The following TENM3 variants were observed in gnomAD, a reference collection of about 807,000 sequenced individuals.
TENM3 encodes teneurin-3.
A neutral mutation model predicts 255.1 loss-of-function variants in TENM3; 63 were observed. The observed-to-expected ratio is 0.25, with a 90% confidence interval of 0.20 to 0.30. The LOEUF (loss-of-function observed/expected upper bound fraction) is 0.30, where lower values mean the gene tolerates loss of function less well. TENM3 is among the 10% of genes least tolerant of loss of function. TENM3 has a pLI of 1.00. For synonymous variants in TENM3, 1,306 were observed against 1,322.3 expected (o/e 0.99, Z 0.27); for missense variants, 2,929 against 3,461.1 (o/e 0.85, Z 3.86).
chr4:182,301,364 A>C (rs975503158), intron 1 of TENM3, among the ~76,000 whole-genome samples: 1 of 152,222 alleles, frequency 6.6e-6, no homozygotes, highest in Non-Finnish European at 1.5e-5. Flanking sequence ...TGATACAAAT[A>C]ATATATTTTC....
chr4:181,755,588 T>C, the TENM3 span, among the ~76,000 whole-genome samples: 2 of 152,174 alleles, frequency 1.3e-5, no homozygotes, highest in African/African-American at 4.8e-5. Flanking sequence ...CAATTATTTA[T>C]ATTAATTCTG....
At chr4:181,804,430 A>G in the TENM3 span, among the ~76,000 whole-genome samples, 1 of 152,230 alleles carries the variant, frequency 6.6e-6, no homozygotes, top group Non-Finnish European at 1.5e-5. Flanking sequence ...ACACACAAAT[A>G]ATAAACACAA....
intron 12 of TENM3, among the ~76,000 whole-genome samples, chr4:182,706,380 T>C (rs1439978516): frequency 6.6e-6 from 1 of 152,216 alleles, no homozygotes; most frequent in African/African-American, 2.4e-5. Context: ...TAATTCACAT[T>C]AAATGCTTAG....
At chr4:181,653,503 G>A in the TENM3 span, among the ~76,000 whole-genome samples, 1 of 151,908 alleles carries the variant, frequency 6.6e-6, no homozygotes, top group Non-Finnish European at 1.5e-5. Context: ...TCCACCTCCC[G>A]GGTTCAAGCG....
At chr4:182,263,605 T>C (rs1260331616) in intron 1 of TENM3, among the ~76,000 whole-genome samples, 1 of 152,148 alleles carries the variant, frequency 6.6e-6, no homozygotes, top group Non-Finnish European at 1.5e-5. Flanking sequence ...CCCCCCTACC[T>C]TCACGACAGC....
At chr4:182,228,358 A>G (rs1368226626) in intron 1 of TENM3, among the ~76,000 whole-genome samples, 2 of 109,114 alleles carry the variant, frequency 1.8e-5, no homozygotes, top group East Asian at 4.2e-4. Context: ...ATGTAATGTA[A>G]TGTGTGTGTG....
At chr4:182,100,590 C>CACAT in the TENM3 span, among the ~76,000 whole-genome samples, 60 of 52,910 alleles carry the variant, frequency 1.1e-3, no homozygotes, top group African/African-American at 3.9e-3. Flanking sequence ...TATATATACA[C>CACAT]ATATATACAC....
chr4:181,504,839 AAGT>A, the TENM3 span, among the ~76,000 whole-genome samples: 2 of 152,214 alleles, frequency 1.3e-5, no homozygotes, highest in Admixed American at 1.3e-4. Flanking sequence ...AAGTATACTA[AAGT>A]ATCAAGCCAT....
At chr4:181,550,997 C>T in the TENM3 span, among the ~76,000 whole-genome samples, 1 of 152,080 alleles carries the variant, frequency 6.6e-6, no homozygotes, top group Admixed American at 6.5e-5. Context: ...TTAAATATCT[C>T]GGAGTTACTG....
chr4:181,606,856 A>G, the TENM3 span, among the ~76,000 whole-genome samples: 1 of 152,086 alleles, frequency 6.6e-6, no homozygotes, highest in Non-Finnish European at 1.5e-5. Flanking sequence ...TACTGTGGCT[A>G]GGGAGTTGCA....
At position 182,758,141 on chromosome 4, in the gene TENM3, C is replaced by T. The variant is rs560159588; in HGVS notation, c.4892+2882C>T. Among the ~76,000 whole-genome samples the T allele has an allele frequency of 1.1e-4, 16 of 152,226 alleles. No homozygotes were observed. The South Asian group carries it at 3.1e-3, about 30-fold the overall frequency. On this transcript the variant is annotated intron_variant, in intron 22 of 27. Coordinates refer to ENST00000511685, the MANE Select transcript of TENM3 (RefSeq NM_001080477.4). ...GACGACTAAAAAATGTCTAAGAAAC[C>T]TTTATGCATTTTGCAAAATAATGTG...
At chr4:181,773,623 C>T in the TENM3 span, among the ~76,000 whole-genome samples, 1 of 152,204 alleles carries the variant, frequency 6.6e-6, no homozygotes, top group Non-Finnish European at 1.5e-5. Flanking sequence ...ACCACCAGTA[C>T]TGAATTAGTG....
At chr4:181,897,070 A>T in the TENM3 span, among the ~76,000 whole-genome samples, 1 of 152,174 alleles carries the variant, frequency 6.6e-6, no homozygotes, top group Admixed American at 6.5e-5. Flanking sequence ...CTTCCTGAAA[A>T]GGCTCGATTC....
At chr4:181,535,443 G>C in the TENM3 span, among the ~76,000 whole-genome samples, 1 of 152,152 alleles carries the variant, frequency 6.6e-6, no homozygotes, top group East Asian at 1.9e-4. Flanking sequence ...TCTTGCAATA[G>C]CCTTCTAACT....
intron 5 of TENM3, among the ~76,000 whole-genome samples, chr4:182,646,549 C>T (rs1561050964): frequency 6.6e-6 from 1 of 152,024 alleles, no homozygotes; most frequent in Non-Finnish European, 1.5e-5. Context: ...CAAGACCAGC[C>T]TGACCAACAT....
At chr4:182,374,455 C>T (rs1360338244) in intron 3 of TENM3, among the ~76,000 whole-genome samples, 1 of 152,146 alleles carries the variant, frequency 6.6e-6, no homozygotes, top group African/African-American at 2.4e-5. Flanking sequence ...ATTTTTGAGA[C>T]ATTATGAAAT....
intron 1 of TENM3, among the ~76,000 whole-genome samples, chr4:182,149,172 G>T (rs1750162669): frequency 6.6e-6 from 1 of 151,914 alleles, no homozygotes; most frequent in African/African-American, 2.4e-5. Flanking sequence ...CATCGGATTG[G>T]TGTTTTTCCA....
chr4:182,531,114 G>A (rs921555953), intron 3 of TENM3, among the ~76,000 whole-genome samples: 10 of 152,078 alleles, frequency 6.6e-5, no homozygotes, highest in Admixed American at 5.2e-4. Flanking sequence ...AAGAAGGCTG[G>A]GTGAGAAGAA....
intron 1 of TENM3, among the ~76,000 whole-genome samples, chr4:182,148,964 G>GTATATCCATATATATCAATA (rs1474667180): frequency 1.3e-5 from 2 of 151,818 alleles, no homozygotes; most frequent in Non-Finnish European, 1.5e-5. Context: ...TATATCCACA[G>GTATATCCATATATATCAATA]TATATCCATA....
Sources: allele counts gnomAD v4.1 joint callset (sites outside exome capture counted in the v4.1 genomes callset), GRCh38; gene constraint gnomAD v4.1.1; transcripts MANE v1.5; gene names NCBI Gene and HGNC (gene_info 2026-07-23, HGNC 2026-07-21).